Variants in SYT7 observed in about 807,000 individuals in gnomAD.
The protein encoded by SYT7 is synaptotagmin-7.
Under a neutral mutation model 75.1 loss-of-function variants are expected in SYT7, and 29 were observed. The observed-to-expected ratio is 0.39, with a 90% CI of 0.29 to 0.53. The LOEUF is 0.53. SYT7 is among the 20% of genes least tolerant of loss of function. The probability of loss-of-function intolerance (pLI) is 0.77; values close to 1 mark genes in which losing one functional copy is unlikely to be tolerated. For missense variants in SYT7, 693 were observed against 953.2 expected, an observed-to-expected ratio of 0.73 and a Z score of 3.59; for synonymous variants, 376 against 401.7, an observed-to-expected ratio of 0.94 and a Z score of 0.76.
chr11:61,543,263 G>A (rs1163167311), intron 5 of SYT7, among the ~76,000 whole-genome samples: 1 of 152,176 alleles, frequency 6.6e-6, no homozygotes, highest in Non-Finnish European at 1.5e-5. Context: ...CCTCTCCTGG[G>A]ACCTTGGAAA....
Position 61,551,584 on chromosome 11 carries a change from G to T in SYT7, c.136-121C>A. The T allele has an allele frequency of 9.9e-7, 1 of 1,011,792 alleles. No individual in the cohort carries two copies. Among genetic ancestry groups the T allele is most frequent in the Non-Finnish European group, 1.5e-6 (1 of 671,326 alleles). The allele number at this position is 1,011,792 out of a possible 1,614,324, so 62.7% of individuals were successfully genotyped here. The stretch of plus-strand genomic sequence containing the variant: ...AGTCGGGCCGTGGCAACAAGGCCAG[G>T]ACCAGTGTGCGAGGCTGTCACCGCG... On this transcript the variant is annotated intron_variant, in intron 2 of 12. Coordinates refer to ENST00000539008, the MANE Select transcript of SYT7 (RefSeq NM_001365809.2). The surrounding 1 kb of genome is among the most constrained non-coding windows in gnomAD (Gnocchi z 5.3).
intron 6 of SYT7, chr11:61,541,262 AG>A: frequency 1.0e-6 from 1 of 985,424 alleles, no homozygotes; most frequent in East Asian, 1.1e-4. Context: ...AAGTGCTCCC[AG>A]GGAAGACCTG....
chr11:61,567,745 C>A (rs570419963), intron 1 of SYT7, among the ~76,000 whole-genome samples: 1 of 152,232 alleles, frequency 6.6e-6, no homozygotes, highest in Non-Finnish European at 1.5e-5. Flanking sequence ...GGCGCACAGA[C>A]GGTCCCCAGC....
chr11:61,522,286 T>A (rs2135046858), intron 12 of SYT7, among the ~76,000 whole-genome samples: 1 of 150,794 alleles, frequency 6.6e-6, no homozygotes, highest in Admixed American at 6.6e-5. Context: ...GCCTCCTGGG[T>A]ACAAGGGATT....
At chr11:61,585,887 A>G (rs2064375327), upstream of SYT7, among the ~76,000 whole-genome samples, 1 of 152,118 alleles carries the variant, frequency 6.6e-6, no homozygotes. Flanking sequence ...GTTACTTGAC[A>G]TCTCTGGGCC....
At position 61,527,968 on chromosome 11, in the gene SYT7, T is replaced by C; in HGVS notation, c.1418A>G (p.Lys473Arg). Residue 473 changes from lysine to arginine, a missense_variant, in exon 9 of 13, where the codon AAG becomes AGG. Physicochemically the swap from Lys to Arg is conservative, Grantham distance 26 (BLOSUM62 2). Transcript: ENST00000539008. Reference sequence around the variant, plus strand: ...GGGGTTCAGGTTCTTCCGCTTCACCTTGGTCTCCAGCTTGTGCTTCTTGTC... The same window carrying C: ...GGGGTTCAGGTTCTTCCGCTTCACCCTGGTCTCCAGCTTGTGCTTCTTGTC... ...LPDKKHKLETKVKRKNLNPHW... is the reference protein window; with the variant it reads ...LPDKKHKLETRVKRKNLNPHW... The C allele has an allele frequency of 6.2e-7, 1 of 1,614,190 alleles. No individual in the cohort carries two copies. Among genetic ancestry groups the C allele is most frequent in the Non-Finnish European group, 8.5e-7 (1 of 1,180,042 alleles).
At chr11:61,587,060 T>C in the SYT7 span, among the ~76,000 whole-genome samples, 1 of 151,974 alleles carries the variant, frequency 6.6e-6, no homozygotes, top group Non-Finnish European at 1.5e-5. Flanking sequence ...ACATGATTAG[T>C]CTCTAAGAGC....
chr11:61,542,887 C>T lies in SYT7; in HGVS notation c.573-308G>A, dbSNP rs927066048. On this transcript the variant is annotated intron_variant, in intron 5 of 12. Transcript: ENST00000539008. This position sits in a 1 kb window ranked among gnomAD's most constrained non-coding sequence, Gnocchi z 7.8. ...CCTCCCTGCCGGTCTGAGTGGGCTG[C>T]GAGTGCTGCTGAGGCTGCGTGGTGA... 6.6e-6 allele frequency among the ~76,000 whole-genome samples: 1 copy of T among 152,196 alleles called. No homozygotes were observed. The highest frequency in any genetic ancestry group is 1.5e-5 in the Non-Finnish European group (1 of 68,028).
chr11:61,533,670 G>A (rs1221565599), intron 7 of SYT7: 1 of 985,314 alleles, frequency 1.0e-6, no homozygotes. Flanking sequence ...ACCAGGTGAG[G>A]TCAGGACAAC....
At chr11:61,562,507 T>C (rs1409583750) in intron 1 of SYT7, among the ~76,000 whole-genome samples, 3 of 152,206 alleles carry the variant, frequency 2.0e-5, no homozygotes, top group African/African-American at 4.8e-5. Context: ...GCTATTATCA[T>C]AGCATTATCA....
At chr11:61,529,782 G>A (rs80213094) in intron 8 of SYT7, among the ~76,000 whole-genome samples, 57 of 152,292 alleles carry the variant, frequency 3.7e-4, no homozygotes, top group Middle Eastern at 6.8e-3. Context: ...CCACAGGGGC[G>A]TGCCACTACG....
Position 61,551,162 on chromosome 11 carries a change from G to A in SYT7, c.215+222C>T, listed in dbSNP as rs1377321301. On this transcript the variant is annotated intron_variant, in intron 3 of 12. Transcript: ENST00000539008. This position sits in a 1 kb window ranked among gnomAD's most constrained non-coding sequence, Gnocchi z 5.3. The stretch of plus-strand genomic sequence containing the variant: ...TGCTGGCGGTGAGGGCAGCGGAAAC[G>A]GAGGCCAGGGACTCCGGAGCACTAC... Among the ~76,000 whole-genome samples, 3 of 152,144 alleles carry A rather than the reference G, an allele frequency of 2.0e-5. No individual in the cohort carries two copies. The highest frequency in any genetic ancestry group is 2.9e-5 in the Non-Finnish European group (2 of 68,016).
rs1432532308 is a variant in SYT7, at chr11:61,514,086, C to T, written c.*4541G>A. On this transcript the variant is annotated 3_prime_UTR_variant, in exon 13 of 13. Coordinates refer to ENST00000539008, the MANE Select transcript of SYT7 (RefSeq NM_001365809.2). ...GGGTGGGGGAGCATCTCAGAGCAGGCATGGACGAAGACAGACCCAGAGAAG... is the reference window on the plus strand; with the variant it reads ...GGGTGGGGGAGCATCTCAGAGCAGGTATGGACGAAGACAGACCCAGAGAAG... 6.6e-6 allele frequency among the ~76,000 whole-genome samples: 1 copy of T among 152,062 alleles called. No homozygotes were observed. The highest frequency in any genetic ancestry group is 2.1e-4 in the South Asian group (1 of 4,818).
In SYT7 at chr11:61,546,366, AAC is replaced by A. The variant is rs894610365; in HGVS notation, c.348-113_348-112del. ...GGGGTGGAAGAGGAAGAAAAACAAT[AAC>A]AGATAAAAGGAAGAAAGAGACAGTG... On this transcript the variant is annotated intron_variant, in intron 4 of 12. Transcript: ENST00000539008. This position sits in a 1 kb window ranked among gnomAD's most constrained non-coding sequence, Gnocchi z 7.6. 3.0e-6 allele frequency: 2 copies of A among 663,022 alleles called. No individual in the cohort carries two copies. Among genetic ancestry groups the A allele is most frequent in the African/African-American group, 3.8e-5 (2 of 52,204 alleles). The allele number at this position is 663,022 out of a possible 1,614,324, so 41.1% of individuals were successfully genotyped here.
intron 1 of SYT7, among the ~76,000 whole-genome samples, chr11:61,567,325 G>T (rs577195138): frequency 6.7e-6 from 1 of 149,162 alleles, no homozygotes; most frequent in East Asian, 1.9e-4. Context: ...ATATTAGGAT[G>T]GAGCCATTGA....
In SYT7 at chr11:61,581,044, G is replaced by A. The variant is rs1221732964; in HGVS notation, c.-224C>T. On this transcript the variant is annotated 5_prime_UTR_variant, in exon 1 of 13. Transcript: ENST00000539008. The stretch of plus-strand genomic sequence containing the variant: ...TGCCGCCGCCGCCGAACAGCGCCGA[G>A]CCGCCTCCCTCCGGCCTGCGCGCCG... The A allele has an allele frequency of 4.3e-6, 3 of 697,158 alleles. No homozygotes were observed. Among genetic ancestry groups the A allele is most frequent in the Non-Finnish European group, 5.3e-6 (3 of 568,986 alleles). The allele number at this position is 697,158 out of a possible 1,614,324, so 43.2% of individuals were successfully genotyped here.
chr11:61,580,994 C>A lies in SYT7; in HGVS notation c.-174G>T. On this transcript the variant is annotated 5_prime_UTR_variant, in exon 1 of 13. Coordinates refer to ENST00000539008, the MANE Select transcript of SYT7 (RefSeq NM_001365809.2). This position sits in a 1 kb window ranked among gnomAD's most constrained non-coding sequence, Gnocchi z 6.1. The stretch of plus-strand genomic sequence containing the variant: ...CGGGGAGCGGGGGCCGCCCGCCAGC[C>A]CTCCCGCCCGCCCGCGGAGCACGCT... The A allele has an allele frequency of 1.0e-6, 1 of 968,264 alleles. No homozygotes were observed. The highest frequency in any genetic ancestry group is 4.6e-5 in the South Asian group (1 of 21,722). The allele number at this position is 968,264 out of a possible 1,614,324, so 60.0% of individuals were successfully genotyped here.
At chr11:61,548,573 C>T (rs1007335284) in intron 3 of SYT7, among the ~76,000 whole-genome samples, 1 of 152,242 alleles carries the variant, frequency 6.6e-6, no homozygotes, top group Non-Finnish European at 1.5e-5. Flanking sequence ...GGAAGGGGCC[C>T]CAGGAAGAGC....
At chr11:61,582,424 C>A (rs981232796), upstream of SYT7, among the ~76,000 whole-genome samples, 2 of 152,046 alleles carry the variant, frequency 1.3e-5, no homozygotes, top group African/African-American at 4.8e-5. Context: ...CAGCCAGGAA[C>A]AACCCTCTAT....
Sources: gnomAD v4.1 joint callset for allele counts (sites outside exome capture counted in the v4.1 genomes callset) on GRCh38, gnomAD v4.1.1 for gene constraint, Gnocchi (gnomAD v3.1) non-coding constraint, MANE v1.5 for transcripts, NCBI Gene and HGNC (gene_info 2026-07-23, HGNC 2026-07-21) for gene names.